The following CNTNAP2 variants were observed in gnomAD, a reference collection of about 807,000 sequenced individuals.
CNTNAP2 encodes contactin-associated protein-like 2.
A neutral mutation model predicts 155.2 loss-of-function variants in CNTNAP2; 98 were observed. That is an observed-to-expected ratio of 0.63 (90% CI 0.54 to 0.75). The LOEUF (loss-of-function observed/expected upper bound fraction) is 0.75, where lower values mean the gene tolerates loss of function less well. Among genes scored for constraint, CNTNAP2 ranks in the 30% least tolerant of loss-of-function variants. The pLI is 0.00. For missense variants in CNTNAP2, 1,727 were observed against 1,688.1 expected, an observed-to-expected ratio of 1.02 and a Z score of -0.40; for synonymous variants, 651 against 631.2, an observed-to-expected ratio of 1.03 and a Z score of -0.47.
rs566822705 is a variant in CNTNAP2, at chr7:146,824,675, T to G, written c.209-15036T>G. On this transcript the variant is annotated intron_variant, in intron 2 of 23. Coordinates refer to ENST00000361727, the MANE Select transcript of CNTNAP2 (RefSeq NM_014141.6). ...TTTTTTTCATATGACAAAAATATCTTATAACTAGGTTTGATTCTAGTCCAG... is the reference window on the plus strand; with the variant it reads ...TTTTTTTCATATGACAAAAATATCTGATAACTAGGTTTGATTCTAGTCCAG... Among the ~76,000 whole-genome samples the G allele has an allele frequency of 9.5e-4, 145 of 152,076 alleles. 2 individuals carry two copies. Among genetic ancestry groups the G allele is most frequent in the Middle Eastern group, 3.4e-3 (1 of 294 alleles).
At chr7:147,367,641 G>A (rs555402352) in intron 9 of CNTNAP2, among the ~76,000 whole-genome samples, 21 of 152,192 alleles carry the variant, frequency 1.4e-4, no homozygotes, top group Admixed American at 1.3e-3. Flanking sequence ...TCAGCAAATG[G>A]AAGAATTTAC....
rs192670216 is a variant in CNTNAP2, at chr7:147,572,959, A to G, written c.1897+10702A>G. ...GTTTCATATCAGAATGTCCCTGGAAATTTTAGAAAGAAAATCTCATATAGC... is the reference window on the plus strand; with the variant it reads ...GTTTCATATCAGAATGTCCCTGGAAGTTTTAGAAAGAAAATCTCATATAGC... On this transcript the variant is annotated intron_variant, in intron 12 of 23. Transcript: ENST00000361727. Among the ~76,000 whole-genome samples the G allele has an allele frequency of 9.9e-5, 15 of 152,250 alleles. No homozygotes were observed. In the East Asian group the frequency reaches 2.9e-3, roughly 29 times the overall value.
chr7:147,164,764 C>T (rs928017744), intron 8 of CNTNAP2, among the ~76,000 whole-genome samples: 1 of 152,220 alleles, frequency 6.6e-6, no homozygotes, highest in Middle Eastern at 3.4e-3. Flanking sequence ...AATTGAGGGG[C>T]GACCACATCA....
At chr7:147,367,986 T>TTC (rs1318238757) in intron 9 of CNTNAP2, among the ~76,000 whole-genome samples, 19 of 144,922 alleles carry the variant, frequency 1.3e-4, no homozygotes, top group Admixed American at 2.8e-4. Flanking sequence ...CTTTCTTTCT[T>TTC]TCTCTCTCTC....
At chr7:148,028,215 T>C (rs182589639) in intron 15 of CNTNAP2, among the ~76,000 whole-genome samples, 1 of 152,302 alleles carries the variant, frequency 6.6e-6, no homozygotes, top group Admixed American at 6.5e-5. Flanking sequence ...CTTTCACCCA[T>C]TTGCAATCAC....
At chr7:147,773,340 A>G (rs1246812465) in intron 13 of CNTNAP2, among the ~76,000 whole-genome samples, 1 of 152,158 alleles carries the variant, frequency 6.6e-6, no homozygotes, top group Non-Finnish European at 1.5e-5. Context: ...CTGATAACAC[A>G]AACTAGTTAG....
At chr7:148,164,722 G>A (rs186930555) in intron 17 of CNTNAP2, among the ~76,000 whole-genome samples, 1 of 145,690 alleles carries the variant, frequency 6.9e-6, no homozygotes, top group Admixed American at 7.1e-5. Flanking sequence ...CTGGGTTCAA[G>A]TCATTCTCCT....
chr7:148,207,447 C>A (rs1795470378), intron 18 of CNTNAP2, among the ~76,000 whole-genome samples: 1 of 152,218 alleles, frequency 6.6e-6, no homozygotes, highest in East Asian at 1.9e-4. Flanking sequence ...GCAGAGTGAG[C>A]ACCTCGCACT....
chr7:147,428,153 G>A (rs1797410166), intron 10 of CNTNAP2, among the ~76,000 whole-genome samples: 1 of 152,072 alleles, frequency 6.6e-6, no homozygotes, highest in Admixed American at 6.6e-5. Flanking sequence ...ATGAACTGGG[G>A]AAATTGAGGC....
intron 2 of CNTNAP2, among the ~76,000 whole-genome samples, chr7:146,781,977 C>T (rs1802499487): frequency 6.6e-6 from 1 of 152,172 alleles, no homozygotes; most frequent in Non-Finnish European, 1.5e-5. Context: ...TTACACATGG[C>T]CCACTCATGA....
chr7:146,772,711 G>A (rs1585083311), intron 1 of CNTNAP2, among the ~76,000 whole-genome samples: 1 of 151,892 alleles, frequency 6.6e-6, no homozygotes, highest in Non-Finnish European at 1.5e-5. Flanking sequence ...GGCCATGGTG[G>A]CTAGACAGGA....
At chr7:148,308,994 G>A (rs1225214808) in intron 21 of CNTNAP2, among the ~76,000 whole-genome samples, 1 of 152,114 alleles carries the variant, frequency 6.6e-6, no homozygotes, top group Non-Finnish European at 1.5e-5. Context: ...CATTTGGGTT[G>A]GTTCCAACTC....
At chr7:146,305,330 A>G (rs1472962989) in intron 1 of CNTNAP2, among the ~76,000 whole-genome samples, 1 of 152,142 alleles carries the variant, frequency 6.6e-6, no homozygotes, top group East Asian at 1.9e-4. Flanking sequence ...GAGGAACTGC[A>G]TACCTTTGGA....
At chr7:146,967,937 G>T (rs185913761) in intron 3 of CNTNAP2, among the ~76,000 whole-genome samples, 5,855 of 150,724 alleles carry the variant, frequency 0.039, 140 homozygotes, top group South Asian at 0.075. Flanking sequence ...TATGATATTG[G>T]CTGTGGGTTT....
chr7:146,579,889 T>C (rs1027741336), intron 1 of CNTNAP2, among the ~76,000 whole-genome samples: 3 of 152,124 alleles, frequency 2.0e-5, no homozygotes, highest in Non-Finnish European at 4.4e-5. Flanking sequence ...CCCCTTTCAC[T>C]TTTAACCCAC....
At chr7:147,534,876 A>G (rs1473611566) in intron 11 of CNTNAP2, among the ~76,000 whole-genome samples, 2 of 152,016 alleles carry the variant, frequency 1.3e-5, no homozygotes, top group Non-Finnish European at 2.9e-5. Flanking sequence ...CTTCAGATAT[A>G]TACACTATGG....
At chr7:147,818,174 A>G (rs1308531381) in intron 13 of CNTNAP2, among the ~76,000 whole-genome samples, 1 of 151,936 alleles carries the variant, frequency 6.6e-6, no homozygotes, top group Non-Finnish European at 1.5e-5. Context: ...AGGCATCCTT[A>G]TTTTATCAAG....
At chr7:146,569,206 C>T (rs1201147157) in intron 1 of CNTNAP2, among the ~76,000 whole-genome samples, 1 of 151,996 alleles carries the variant, frequency 6.6e-6, no homozygotes, top group East Asian at 1.9e-4. Flanking sequence ...TTAGTACAGA[C>T]GGGGTTTCAC....
intron 13 of CNTNAP2, among the ~76,000 whole-genome samples, chr7:147,880,892 T>TGTGTGA (rs1799508956): frequency 1.0e-5 from 1 of 97,588 alleles, no homozygotes; most frequent in African/African-American, 4.9e-5. Flanking sequence ...TGTGTGTGTG[T>TGTGTGA]GTTTCCAAGT....
Sources: allele counts gnomAD v4.1 joint callset (sites outside exome capture counted in the v4.1 genomes callset), GRCh38; gene constraint gnomAD v4.1.1; transcripts MANE v1.5; gene names NCBI Gene and HGNC (gene_info 2026-07-23, HGNC 2026-07-21).